ZNF892: variants seen among roughly 807,000 people sequenced by gnomAD.
The protein encoded by ZNF892 is zinc finger protein 892, also known as zinc finger protein 570-like.
chr2:95,220,593 C>T, the ZNF892 span, among the ~76,000 whole-genome samples: 1 of 152,170 alleles, frequency 6.6e-6, no homozygotes, highest in South Asian at 2.1e-4. Flanking sequence ...GAAAGTAGTG[C>T]TCCACCTTTC....
chr2:95,218,379 C>G, the ZNF892 span, among the ~76,000 whole-genome samples: 1 of 152,236 alleles, frequency 6.6e-6, no homozygotes, highest in Non-Finnish European at 1.5e-5. Context: ...AGTTTCATCA[C>G]TCTCAAGTTC....
chr2:95,214,806 T>A, the ZNF892 span: 1 of 468,488 alleles, frequency 2.1e-6, no homozygotes, highest in East Asian at 3.2e-5. Flanking sequence ...TGGTAAAGCC[T>A]TTAGCCAGAG....
the ZNF892 span, among the ~76,000 whole-genome samples, chr2:95,247,668 A>G: frequency 3.3e-5 from 5 of 152,332 alleles, 1 homozygote; most frequent in East Asian, 9.6e-4. Flanking sequence ...AAACAACCCC[A>G]TTAAAAAGTG....
At chr2:95,207,852 A>AT in the ZNF892 span, 1 of 398,520 alleles carries the variant, frequency 2.5e-6, no homozygotes, top group Non-Finnish European at 4.4e-6. Context: ...TTTGGGAGTG[A>AT]TGCGGCCTTG....
At chr2:95,243,985 T>C in the ZNF892 span, among the ~76,000 whole-genome samples, 1 of 151,944 alleles carries the variant, frequency 6.6e-6, no homozygotes, top group Non-Finnish European at 1.5e-5. Context: ...CTTTTCATTT[T>C]GTTCTGTACT....
chr2:95,235,272 G>A, the ZNF892 span, among the ~76,000 whole-genome samples: 1 of 152,060 alleles, frequency 6.6e-6, no homozygotes, highest in South Asian at 2.1e-4. Context: ...ATCCTTGGAT[G>A]ATAGAATGGA....
the ZNF892 span, among the ~76,000 whole-genome samples, chr2:95,225,879 T>G: frequency 6.6e-6 from 1 of 152,124 alleles, no homozygotes; most frequent in Non-Finnish European, 1.5e-5. Flanking sequence ...GGATAGACAT[T>G]TGCAATGCAA....
chr2:95,225,732 C>G, the ZNF892 span, among the ~76,000 whole-genome samples: 1 of 152,128 alleles, frequency 6.6e-6, no homozygotes, highest in South Asian at 2.1e-4. Flanking sequence ...CTTCAGATTC[C>G]AAAGCCCAGA....
the ZNF892 span, among the ~76,000 whole-genome samples, chr2:95,247,881 T>C: frequency 6.6e-6 from 1 of 152,212 alleles, no homozygotes; most frequent in Non-Finnish European, 1.5e-5. Context: ...GCTTATACAC[T>C]GCTGGTGGGA....
the ZNF892 span, chr2:95,214,223 T>C: frequency 2.5e-6 from 1 of 396,646 alleles, no homozygotes; most frequent in Non-Finnish European, 4.4e-6. Context: ...GTGTTCCCTG[T>C]AAATATTCCT....
At chr2:95,263,524 AAC>A in the ZNF892 span, among the ~76,000 whole-genome samples, 1 of 152,236 alleles carries the variant, frequency 6.6e-6, no homozygotes, top group African/African-American at 2.4e-5. Context: ...TTGGCAAAAT[AAC>A]ACATACATTT....
the ZNF892 span, among the ~76,000 whole-genome samples, chr2:95,212,695 A>G: frequency 6.6e-6 from 1 of 152,234 alleles, no homozygotes; most frequent in Non-Finnish European, 1.5e-5. Context: ...CAGAGGCAGC[A>G]TAGCATGATG....
At chr2:95,246,439 T>C in the ZNF892 span, among the ~76,000 whole-genome samples, 1 of 152,184 alleles carries the variant, frequency 6.6e-6, no homozygotes, top group Non-Finnish European at 1.5e-5. Context: ...AGCACTCCCC[T>C]TGAAAACCAG....
At chr2:95,258,995 A>T in the ZNF892 span, 3 of 152,240 alleles carry the variant, frequency 2.0e-5, no homozygotes, top group African/African-American at 7.2e-5. Flanking sequence ...CAGGTTAGAC[A>T]AGGAGAAGCG....
At chr2:95,236,906 T>A in the ZNF892 span, among the ~76,000 whole-genome samples, 4 of 152,350 alleles carry the variant, frequency 2.6e-5, no homozygotes, top group Admixed American at 1.3e-4. Flanking sequence ...TTGAAAAATT[T>A]CTAGGAATTT....
the ZNF892 span, among the ~76,000 whole-genome samples, chr2:95,221,404 T>A: frequency 6.6e-6 from 1 of 152,198 alleles, no homozygotes; most frequent in Non-Finnish European, 1.5e-5. Context: ...GTACATTGAT[T>A]TTCTGATGTT....
the ZNF892 span, among the ~76,000 whole-genome samples, chr2:95,228,233 A>C: frequency 6.6e-6 from 1 of 151,228 alleles, no homozygotes; most frequent in Non-Finnish European, 1.5e-5. Context: ...CAGATTAAGC[A>C]ATTTTGACAA....
the ZNF892 span, chr2:95,259,198 C>T: frequency 6.6e-6 from 1 of 152,428 alleles, no homozygotes; most frequent in East Asian, 1.9e-4. Flanking sequence ...TCAGAGTGCC[C>T]TCGTTGCATC....
At chr2:95,231,370 A>ATTCTACTTTCT in the ZNF892 span, among the ~76,000 whole-genome samples, 14 of 152,256 alleles carry the variant, frequency 9.2e-5, no homozygotes. Context: ...GACAGAAAGT[A>ATTCTACTTTCT]GAAGAGTCAC....
Sources: allele counts gnomAD v4.1 joint callset (sites outside exome capture counted in the v4.1 genomes callset), GRCh38; gene constraint gnomAD v4.1.1; transcripts MANE v1.5; gene names NCBI Gene and HGNC (gene_info 2026-07-23, HGNC 2026-07-21).